Variants in MALRD1 observed in about 807,000 individuals in gnomAD.
MALRD1 encodes the protein MAM and LDL-receptor class A domain-containing protein 1.
In MALRD1, 247 loss-of-function variants were observed where a neutral mutation model predicts 242.1. The ratio of observed to expected loss-of-function variants is 1.02; its 90% CI spans 0.92 to 1.13. The LOEUF is 1.13. Among genes scored for constraint, MALRD1 ranks in the 50% most tolerant of loss-of-function variants. The probability of loss-of-function intolerance (pLI) is 0.00; values close to 1 mark genes in which losing one functional copy is unlikely to be tolerated. For synonymous variants in MALRD1, 995 were observed against 866.6 expected, an observed-to-expected ratio of 1.15 and a Z score of -2.60; for missense variants, 2,989 against 2,533.1, an observed-to-expected ratio of 1.18 and a Z score of -3.86.
At chr10:19,456,583 C>G (rs564784694) in intron 29 of MALRD1, among the ~76,000 whole-genome samples, 3 of 152,244 alleles carry the variant, frequency 2.0e-5, no homozygotes, top group South Asian at 4.2e-4. Context: ...ACCTTCTTCA[C>G]TTAGTTTACA....
intron 1 of MALRD1, among the ~76,000 whole-genome samples, chr10:19,061,215 A>T (rs1021302000): frequency 1.3e-5 from 2 of 152,208 alleles, no homozygotes; most frequent in Non-Finnish European, 2.9e-5. Context: ...GCAGCAAACC[A>T]GCACGAGACT....
chr10:19,341,632 G>A (rs769825228), intron 24 of MALRD1, among the ~76,000 whole-genome samples: 3 of 151,156 alleles, frequency 2.0e-5, no homozygotes, highest in Non-Finnish European at 4.4e-5. Context: ...CCAGCAAAAA[G>A]TAAGGAAAAG....
chr10:19,644,938 G>A (rs185278801), intron 36 of MALRD1, among the ~76,000 whole-genome samples: 117 of 152,256 alleles, frequency 7.7e-4, no homozygotes, highest in African/African-American at 2.7e-3. Flanking sequence ...TGTGGAGTAA[G>A]TAACAGATCC....
chr10:19,275,622 T>C (rs12243353), intron 19 of MALRD1, among the ~76,000 whole-genome samples: 18,651 of 151,998 alleles, frequency 0.12, 1,563 homozygotes, highest in East Asian at 0.31. Flanking sequence ...TGAGTGGAGA[T>C]CGCGACACTG....
chr10:19,205,724 A>G (rs898993058), intron 17 of MALRD1, among the ~76,000 whole-genome samples: 1 of 152,044 alleles, frequency 6.6e-6, no homozygotes, highest in African/African-American at 2.4e-5. Context: ...CAGATGGAAA[A>G]TAGCCAGTGT....
intron 13 of MALRD1, among the ~76,000 whole-genome samples, chr10:19,172,837 A>T (rs1313520688): frequency 6.6e-6 from 1 of 151,990 alleles, no homozygotes; most frequent in African/African-American, 2.4e-5. Flanking sequence ...CTGTCCAAAA[A>T]AATCACAGTC....
chr10:19,104,207 A>G, intron 5 of MALRD1, 132 bp downstream of exon 5: 1 of 465,216 alleles, frequency 2.1e-6, no homozygotes, highest in Non-Finnish European at 3.5e-6. Flanking sequence ...TCGTTCTAAT[A>G]CATTGTATAA....
At chr10:19,275,569 T>C (rs1840472840) in intron 19 of MALRD1, among the ~76,000 whole-genome samples, 1 of 152,244 alleles carries the variant, frequency 6.6e-6, no homozygotes, top group African/African-American at 2.4e-5. Flanking sequence ...CTCAGGTGGC[T>C]GAGGCAGGAG....
At chr10:19,140,971 T>C (rs1295199855) in intron 10 of MALRD1, among the ~76,000 whole-genome samples, 1 of 152,170 alleles carries the variant, frequency 6.6e-6, no homozygotes, top group Non-Finnish European at 1.5e-5. Context: ...AACTATATGA[T>C]GAAATGATGC....
intron 4 of MALRD1, among the ~76,000 whole-genome samples, chr10:19,101,474 T>C (rs938047304): frequency 2.9e-5 from 4 of 139,094 alleles, no homozygotes; most frequent in Admixed American, 1.5e-4. Context: ...ATATAATTAA[T>C]ACTTGTATAT....
chr10:19,384,398 T>G lies in MALRD1; in HGVS notation c.4442-3130T>G, dbSNP rs1389013680. Among the ~76,000 whole-genome samples the G allele has an allele frequency of 6.7e-4, 50 of 75,166 alleles. 1 individual carries two copies. Among genetic ancestry groups the G allele is most frequent in the Non-Finnish European group, 9.8e-4 (39 of 39,778 alleles). 49.3% of individuals were successfully genotyped at this position (75,166 alleles called of 152,430 possible). ...TATAATATTTACTATATATTATATATTATATAGTATATATAATATAATATT... is the reference window on the plus strand; with the variant it reads ...TATAATATTTACTATATATTATATAGTATATAGTATATATAATATAATATT... On this transcript the variant is annotated intron_variant, in intron 26 of 39. Transcript: ENST00000454679.
chr10:19,276,594 G>C (rs1443023002), intron 19 of MALRD1, among the ~76,000 whole-genome samples: 1 of 152,002 alleles, frequency 6.6e-6, no homozygotes, highest in Non-Finnish European at 1.5e-5. Context: ...TTCTTTCTCT[G>C]ATTCAGACTC....
chr10:19,125,080 G>A (rs1199099268), intron 7 of MALRD1, among the ~76,000 whole-genome samples: 2 of 150,170 alleles, frequency 1.3e-5, no homozygotes, highest in African/African-American at 4.9e-5. Flanking sequence ...CAAGCAGCTG[G>A]GACTACAGGC....
chr10:19,480,861 G>T (rs1373781787), intron 29 of MALRD1, among the ~76,000 whole-genome samples: 1 of 152,024 alleles, frequency 6.6e-6, no homozygotes, highest in Non-Finnish European at 1.5e-5. Context: ...GATTGGGTCT[G>T]AAACTGTAAA....
chr10:19,120,873 A>G (rs912103719), intron 5 of MALRD1, among the ~76,000 whole-genome samples: 3 of 151,868 alleles, frequency 2.0e-5, no homozygotes, highest in African/African-American at 7.3e-5. Flanking sequence ...CCTCCTGAGT[A>G]GCTGGGACTA....
At chr10:19,673,341 C>T (rs921589320) in intron 36 of MALRD1, among the ~76,000 whole-genome samples, 5 of 152,068 alleles carry the variant, frequency 3.3e-5, no homozygotes, top group East Asian at 1.9e-4. Flanking sequence ...GAGCCGAGAT[C>T]GCGCCACTGC....
At position 19,347,712 on chromosome 10, in the gene MALRD1, A is replaced by G. The variant is rs1258367577; in HGVS notation, c.3902-59A>G. The G allele has an allele frequency of 7.2e-6, 11 of 1,526,542 alleles. No homozygotes were observed. The East Asian group carries it at 2.7e-4, about 37-fold the overall frequency. The allele number at this position is 1,526,542 out of a possible 1,614,324, so 94.6% of individuals were successfully genotyped here. A position where few individuals can be genotyped will look rare whatever the true frequency, so the allele number is the denominator to read the frequency against. ...CAAGATCACTGCAGTTTTGAATTGC[A>G]TGTTTTAAAGTAGGCAAATTTCCAT... is the stretch of plus-strand genomic sequence containing the variant. On this transcript the variant is annotated intron_variant, in intron 24 of 39. Transcript: ENST00000454679.
intron 11 of MALRD1, among the ~76,000 whole-genome samples, chr10:19,149,798 C>G (rs186927813): frequency 1.3e-5 from 2 of 152,152 alleles, no homozygotes; most frequent in Non-Finnish European, 2.9e-5. Flanking sequence ...TAAAACAATT[C>G]TATTCCTGCC....
intron 36 of MALRD1, among the ~76,000 whole-genome samples, chr10:19,671,807 G>A (rs1052923369): frequency 6.6e-6 from 1 of 152,102 alleles, no homozygotes; most frequent in Non-Finnish European, 1.5e-5. Flanking sequence ...CTGTTGCTCT[G>A]TAGATGGGAT....
Sources: gnomAD v4.1 joint callset for allele counts (sites outside exome capture counted in the v4.1 genomes callset) on GRCh38, gnomAD v4.1.1 for gene constraint, MANE v1.5 for transcripts, NCBI Gene and HGNC (gene_info 2026-07-23, HGNC 2026-07-21) for gene names.